Variants in DNER observed in about 807,000 individuals in gnomAD.
DNER encodes the protein delta and Notch-like epidermal growth factor-related receptor.
DNER carries 33 observed loss-of-function variants against 78.2 expected under a neutral mutation model. The observed-to-expected ratio is 0.42, with a 90% CI of 0.32 to 0.56. The LOEUF (loss-of-function observed/expected upper bound fraction) is 0.56. DNER is among the 20% of genes least tolerant of loss of function. DNER has a pLI of 0.11. For synonymous variants in DNER, 417 were observed against 384.8 expected (o/e 1.08, Z -0.98); for missense variants, 918 against 975.3 (o/e 0.94, Z 0.78).
At chr2:229,366,368 T>C (rs1692346919) in intron 12 of DNER, among the ~76,000 whole-genome samples, 1 of 152,158 alleles carries the variant, frequency 6.6e-6, no homozygotes, top group Non-Finnish European at 1.5e-5. Context: ...GAACTTACAC[T>C]CTTTCTATGA....
intron 8 of DNER, among the ~76,000 whole-genome samples, chr2:229,421,692 A>G (rs1393308452): frequency 6.6e-6 from 1 of 151,612 alleles, no homozygotes; most frequent in African/African-American, 2.4e-5. Context: ...AAATATATAC[A>G]TATATATCCA....
At chr2:229,462,353 A>G (rs1476217200) in intron 7 of DNER, among the ~76,000 whole-genome samples, 1 of 152,104 alleles carries the variant, frequency 6.6e-6, no homozygotes, top group East Asian at 1.9e-4. Flanking sequence ...GACAGGGTAA[A>G]GACAATTCAC....
Position 229,523,806 on chromosome 2 carries a change from C to T in DNER, c.994-10870G>A, listed in dbSNP as rs534243225. Among the ~76,000 whole-genome samples, 5 of 152,366 alleles carry T rather than the reference C, an allele frequency of 3.3e-5. No individual in the cohort carries two copies. The East Asian group carries it at 7.7e-4, about 24-fold the overall frequency. The stretch of plus-strand genomic sequence containing the variant: ...CTTATCCTAGACGGTGCACAATATT[C>T]CTTGAACAATTGCTGTCTGAAGAGG... On this transcript the variant is annotated intron_variant, in intron 5 of 12. Transcript: ENST00000341772.
intron 5 of DNER, among the ~76,000 whole-genome samples, chr2:229,516,086 C>T (rs1229310755): frequency 6.6e-6 from 1 of 152,114 alleles, no homozygotes; most frequent in Non-Finnish European, 1.5e-5. Context: ...AAAATTGATT[C>T]TTAAATTTTC....
At position 229,546,946 on chromosome 2, in the gene DNER, C is replaced by T; in HGVS notation, c.993+1G>A. ...TTACAAGCTACCAGGCATCCCCTTA[C>T]CTCTGACGGCTTCGTGGTGCATTTT... On this transcript the variant is annotated splice_donor_variant, in intron 5 of 12. Transcript: ENST00000341772. LOFTEE classifies it high-confidence loss of function. 1 of 1,614,114 alleles carries T rather than the reference C, an allele frequency of 6.2e-7. No homozygotes were observed. The highest frequency in any genetic ancestry group is 8.5e-7 in the Non-Finnish European group (1 of 1,179,998).
intron 8 of DNER, among the ~76,000 whole-genome samples, chr2:229,433,373 C>T (rs1694058323): frequency 6.6e-6 from 1 of 152,164 alleles, no homozygotes; most frequent in South Asian, 2.1e-4. Context: ...AATGATCTAC[C>T]AGCCATCGGC....
intron 2 of DNER, among the ~76,000 whole-genome samples, chr2:229,590,534 C>A (rs1324101915): frequency 1.3e-5 from 2 of 152,144 alleles, no homozygotes; most frequent in Non-Finnish European, 2.9e-5. Context: ...TGGGTGAAAT[C>A]CTAACCACCA....
chr2:229,440,344 G>C (rs531893548), intron 8 of DNER, among the ~76,000 whole-genome samples: 1 of 152,226 alleles, frequency 6.6e-6, no homozygotes, highest in East Asian at 1.9e-4. Flanking sequence ...ACGTCTAGTG[G>C]AGCCTGACTC....
intron 4 of DNER, among the ~76,000 whole-genome samples, chr2:229,557,210 G>A (rs1559166159): frequency 2.0e-5 from 3 of 152,210 alleles, no homozygotes; most frequent in Non-Finnish European, 2.9e-5. Context: ...CTGTTGAAAA[G>A]CCAGTGTGAG....
chr2:229,566,933 A>G (rs1697120911), intron 4 of DNER, among the ~76,000 whole-genome samples: 1 of 152,108 alleles, frequency 6.6e-6, no homozygotes, highest in South Asian at 2.1e-4. Context: ...CCTCATTGTC[A>G]CTAGGATCCC....
At chr2:229,503,769 A>T (rs900718178) in intron 6 of DNER, among the ~76,000 whole-genome samples, 1 of 152,168 alleles carries the variant, frequency 6.6e-6, no homozygotes, top group African/African-American at 2.4e-5. Flanking sequence ...TTGAGACAGC[A>T]TCTCACTCTG....
intron 1 of DNER, among the ~76,000 whole-genome samples, chr2:229,649,605 G>A (rs933746460): frequency 2.0e-5 from 3 of 152,178 alleles, no homozygotes; most frequent in Non-Finnish European, 4.4e-5. Context: ...CCTGATGCTA[G>A]CTAAGAACAT....
intron 1 of DNER, among the ~76,000 whole-genome samples, chr2:229,593,244 C>T (rs1394874345): frequency 6.6e-6 from 1 of 152,006 alleles, no homozygotes; most frequent in Non-Finnish European, 1.5e-5. Context: ...GCCCCTTCCT[C>T]TCCTCCCACA....
At chr2:229,501,402 C>G (rs1695619194) in intron 6 of DNER, among the ~76,000 whole-genome samples, 1 of 150,756 alleles carries the variant, frequency 6.6e-6, no homozygotes, top group South Asian at 2.1e-4. Context: ...CCCAATCTGC[C>G]ATATTCATGC....
At chr2:229,554,946 G>GAAGAGAAGAGAAGAGAGAA (rs1696829814) in intron 4 of DNER, among the ~76,000 whole-genome samples, 1 of 76,342 alleles carries the variant, frequency 1.3e-5, no homozygotes. Flanking sequence ...AGAGAAAAGG[G>GAAGAGAAGAGAAGAGAGAA]AAGGGAAGGG....
chr2:229,617,916 A>G (rs763346721), intron 1 of DNER, among the ~76,000 whole-genome samples: 7 of 152,178 alleles, frequency 4.6e-5, no homozygotes, highest in Non-Finnish European at 8.8e-5. Flanking sequence ...CATGTCACTG[A>G]TTATATGATT....
rs191394023 is a variant in DNER at position 229,584,024 on chromosome 2, T to C, written c.847+1834A>G. On this transcript the variant is annotated intron_variant, in intron 4 of 12. Coordinates refer to ENST00000341772, the MANE Select transcript of DNER (RefSeq NM_139072.4). Reference sequence around the variant, plus strand: ...AGAAGAGGGTCAGTCAAACATAAAGTGCAATATAAATTATAGAGACCTGAG... The same window carrying C: ...AGAAGAGGGTCAGTCAAACATAAAGCGCAATATAAATTATAGAGACCTGAG... 3.7e-4 allele frequency among the ~76,000 whole-genome samples: 57 copies of C among 152,308 alleles called. No homozygotes were observed. The East Asian group carries it at 9.1e-3, about 24-fold the overall frequency.
intron 7 of DNER, among the ~76,000 whole-genome samples, chr2:229,453,373 C>A (rs1290845751): frequency 6.6e-6 from 1 of 152,076 alleles, no homozygotes; most frequent in Non-Finnish European, 1.5e-5. Flanking sequence ...CAGCTTTGTG[C>A]AAAGTGAGTT....
chr2:229,491,875 C>T (rs1286943600), intron 6 of DNER, among the ~76,000 whole-genome samples: 1 of 151,924 alleles, frequency 6.6e-6, no homozygotes, highest in Non-Finnish European at 1.5e-5. Flanking sequence ...GATCTCTTAC[C>T]AAATGGTTGC....
Sources: allele counts gnomAD v4.1 joint callset (sites outside exome capture counted in the v4.1 genomes callset), GRCh38; gene constraint gnomAD v4.1.1; transcripts MANE v1.5; gene names NCBI Gene and HGNC (gene_info 2026-07-23, HGNC 2026-07-21).